Variants in MCM4 observed in about 807,000 individuals in gnomAD.
The protein encoded by MCM4 is DNA replication licensing factor MCM4.
Under a neutral mutation model 88.7 loss-of-function variants are expected in MCM4, and 60 were observed. That is an observed-to-expected ratio of 0.68 (90% CI 0.55 to 0.84). The LOEUF is 0.84. Among genes scored for constraint, MCM4 ranks in the 40% least tolerant of loss-of-function variants. The pLI, the probability that MCM4 is intolerant of heterozygous loss-of-function variation, is 0.00. For synonymous variants in MCM4, 465 were observed against 410.5 expected (o/e 1.13, Z -1.61); for missense variants, 1,149 against 1,105.5 (o/e 1.04, Z -0.56).
chr8:47,966,884 G>A (rs2090903382), intron 9 of MCM4, among the ~76,000 whole-genome samples: 1 of 152,248 alleles, frequency 6.6e-6, no homozygotes, highest in African/African-American at 2.4e-5. Flanking sequence ...GATTGTGACT[G>A]TAAAGATGTG....
chr8:47,974,726 T>A lies in MCM4; in HGVS notation c.2137-8T>A, dbSNP rs2090986577. Reference sequence around the variant, plus strand: ...TTGCTTTTGCTTTTGTTTTTCTACCTACAATAGGCTTATGTAGACATGAGG... The same window carrying A: ...TTGCTTTTGCTTTTGTTTTTCTACCAACAATAGGCTTATGTAGACATGAGG... On this transcript the variant is annotated splice_region_variant and splice_polypyrimidine_tract_variant and intron_variant, in intron 14 of 16. Transcript: ENST00000649973. 1.2e-6 allele frequency: 2 copies of A among 1,610,086 alleles called. No homozygotes were observed. The highest frequency in any genetic ancestry group is 1.7e-6 in the Non-Finnish European group (2 of 1,177,224).
chr8:47,969,197 A>G (rs924065523), intron 10 of MCM4: 1 of 154,310 alleles, frequency 6.5e-6, no homozygotes, highest in African/African-American at 2.4e-5. Flanking sequence ...CCTCGGGTCT[A>G]TCATTTGCAG....
At chr8:47,964,828 G>A (rs986094372) in intron 8 of MCM4, 116 bp downstream of exon 8, 4 of 816,574 alleles carry the variant, frequency 4.9e-6, no homozygotes, top group African/African-American at 1.7e-5. Context: ...TCAAGGTGAC[G>A]GATTATAAAT....
At position 47,969,872 on chromosome 8, in the gene MCM4, G is replaced by A. The variant is rs371571089; in HGVS notation, c.1249G>A (p.Asp417Asn). Residue 417 changes from aspartate (D) to asparagine (N), a missense_variant, in exon 11 of 17, where the codon GAT (aspartate) becomes AAT (asparagine). Transcript: ENST00000649973. ...NVKSVYKTHI[D>N]VIHYRKTDAK... ...GAAGTCTGTCTACAAAACCCACATT[G>A]ATGTCATTCATTATCGGAAAACGGA... The A allele has an allele frequency of 3.7e-6, 6 of 1,614,104 alleles. No homozygotes were observed. In the African/African-American group the frequency reaches 8.0e-5, roughly 22 times the overall value.
In MCM4 at chr8:47,975,747, G is replaced by T. The variant is rs745325458; in HGVS notation, c.2398G>T (p.Glu800Ter). Reference sequence around the variant, plus strand: ...TGCCACCTCTCGTAAACGGAAAGAAGAATTAGCTGAAGCATTGAAAAAGCT... The same window carrying T: ...TGCCACCTCTCGTAAACGGAAAGAATAATTAGCTGAAGCATTGAAAAAGCT... ...MSATSRKRKE[E>*]LAEALKKLIL... The change falls in exon 16 of 17, where the codon GAA becomes TAA. Residue 800 changes from glutamate (E) to a stop codon, truncating the protein, a stop_gained. Transcript: ENST00000649973. LOFTEE classifies it high-confidence loss of function. 1 of 1,578,844 alleles carries T rather than the reference G, an allele frequency of 6.3e-7. No homozygotes were observed. The highest frequency in any genetic ancestry group is 8.6e-7 in the Non-Finnish European group (1 of 1,168,488).
chr8:47,967,572 G>A, intron 10 of MCM4, 87 bp downstream of exon 10: 3 of 1,525,870 alleles, frequency 2.0e-6, no homozygotes, highest in Non-Finnish European at 2.7e-6. Context: ...CTTGGTCACA[G>A]GTCCAGTTCT....
At chr8:47,961,889 G>T in intron 3 of MCM4, 164 bp from the exon 4 acceptor site, 1 of 903,010 alleles carries the variant, frequency 1.1e-6, no homozygotes, top group Non-Finnish European at 1.7e-6. Flanking sequence ...CTTCTCTGGT[G>T]CTTTTTTTTA....
At position 47,975,816 on chromosome 8, in the gene MCM4, C is replaced by T; in HGVS notation, c.2467C>T (p.Leu823Phe). ...AACACCAGCTCTAAAATACCAGCAACTTTTTGAAGATATTCGGGGACAATC... is the reference window on the plus strand; with the variant it reads ...AACACCAGCTCTAAAATACCAGCAATTTTTTGAAGATATTCGGGGACAATC... Reference protein sequence around the residue: ...GKTPALKYQQLFEDIRGQSDI... With the variant: ...GKTPALKYQQFFEDIRGQSDI... The change falls in exon 16 of 17, where the codon CTT (leucine) becomes TTT (phenylalanine). Residue 823 changes from leucine (L) to phenylalanine (F), a missense_variant. By Grantham distance (22) the Leu-to-Phe change is conservative (BLOSUM62 0). This residue lies in a region of MCM4 where 238 missense variants were observed against 241.6 expected (regional missense o/e 0.99). Coordinates refer to ENST00000649973, the MANE Select transcript of MCM4 (RefSeq NM_182746.3). 1.3e-6 allele frequency: 2 copies of T among 1,582,828 alleles called. No homozygotes were observed. Among genetic ancestry groups the T allele is most frequent in the Non-Finnish European group, 1.7e-6 (2 of 1,168,672 alleles).
At position 47,975,297 on chromosome 8, in the gene MCM4, T is replaced by C. The variant is rs181428770; in HGVS notation, c.2365+335T>C. The C allele has an allele frequency of 6.0e-3, 1,281 of 212,686 alleles. 11 individuals carry two copies. Among genetic ancestry groups the C allele is most frequent in the Non-Finnish European group, 9.8e-3 (1,029 of 104,912 alleles). The allele number at this position is 212,686 out of a possible 1,614,324, so 13.2% of individuals were successfully genotyped here. On this transcript the variant is annotated intron_variant, in intron 15 of 16. Coordinates refer to ENST00000649973, the MANE Select transcript of MCM4 (RefSeq NM_182746.3). ...GTACCCAGTAACTCGTCATTTAACA[T>C]TACGTGTATCTCCAAATGCTATCCC...
At chr8:47,966,872 G>T (rs960273018) in intron 9 of MCM4, among the ~76,000 whole-genome samples, 1 of 152,198 alleles carries the variant, frequency 6.6e-6, no homozygotes, top group Non-Finnish European at 1.5e-5. Flanking sequence ...CTTATTTACC[G>T]TGATTGTGAC....
chr8:47,971,558 G>GAAA, intron 13 of MCM4, 90 bp downstream of exon 13: 2 of 1,336,564 alleles, frequency 1.5e-6, no homozygotes, highest in South Asian at 2.5e-5. Flanking sequence ...ACTGCTAATG[G>GAAA]AAACTCTTCA....
At position 47,976,944 on chromosome 8, in the gene MCM4, G is replaced by A; in HGVS notation, c.*166G>A. ...GTTCAATATTTGTAGTGAAGTATCT[G>A]TTTTCATTTTTTTCACGTTATAAAT... On this transcript the variant is annotated 3_prime_UTR_variant, in exon 17 of 17. Coordinates refer to ENST00000649973, the MANE Select transcript of MCM4 (RefSeq NM_182746.3). 1.9e-6 allele frequency: 1 copy of A among 519,428 alleles called. No homozygotes were observed. Among genetic ancestry groups the A allele is most frequent in the Non-Finnish European group, 3.5e-6 (1 of 287,404 alleles). The allele number at this position is 519,428 out of a possible 1,614,324, so 32.2% of individuals were successfully genotyped here.
chr8:47,971,178 G>T, intron 12 of MCM4, 163 bp from the exon 13 acceptor site: 1 of 783,446 alleles, frequency 1.3e-6, no homozygotes, highest in African/African-American at 1.7e-5. Flanking sequence ...TCTGAGGACA[G>T]GGCTTATCCA....
Position 47,961,185 on chromosome 8 carries a change from G to C in MCM4, c.41G>C (p.Arg14Pro). ...PASTPSRRGS[R>P]RGRATPAQTP... ...TCGACCCCGAGCCGCCGCGGCAGCCGGCGTGGAAGGGCCACCCCCGCCCAG... is the reference window on the plus strand; with the variant it reads ...TCGACCCCGAGCCGCCGCGGCAGCCCGCGTGGAAGGGCCACCCCCGCCCAG... The change falls in exon 2 of 17, where the codon CGG (arginine) becomes CCG (proline). Residue 14 changes from arginine (R) to proline (P), a missense_variant. By Grantham distance (103) the Arg-to-Pro change is moderately radical (BLOSUM62 -2). Transcript: ENST00000649973. 1 of 1,544,124 alleles carries C rather than the reference G, an allele frequency of 6.5e-7. No homozygotes were observed. The highest frequency in any genetic ancestry group is 8.7e-7 in the Non-Finnish European group (1 of 1,154,880).
At chr8:47,968,706 T>G (rs7002719) in intron 10 of MCM4, among the ~76,000 whole-genome samples, 4,380 of 152,314 alleles carry the variant, frequency 0.029, 219 homozygotes, top group African/African-American at 0.098. Flanking sequence ...AGAATTACAC[T>G]GACCCACTGA....
chr8:47,968,322 G>A (rs781206856), intron 10 of MCM4, among the ~76,000 whole-genome samples: 1 of 152,190 alleles, frequency 6.6e-6, no homozygotes, highest in Non-Finnish European at 1.5e-5. Context: ...GTGAAGTCCC[G>A]CAGTTATCAC....
chr8:47,969,855 T>A lies in MCM4; in HGVS notation c.1232T>A (p.Val411Asp). The change falls in exon 11 of 17, where the codon GTC (valine) becomes GAC (aspartate). Residue 411 changes from valine to aspartate, a missense_variant. Physicochemically the swap from Val to Asp is radical, Grantham distance 152 (BLOSUM62 -3). Transcript: ENST00000649973. Reference sequence around the variant, plus strand: ...CCAAGAGTGAGTAATGTGAAGTCTGTCTACAAAACCCACATTGATGTCATT... The same window carrying A: ...CCAAGAGTGAGTAATGTGAAGTCTGACTACAAAACCCACATTGATGTCATT... ...VNPRVSNVKS[V>D]YKTHIDVIHY... 1 of 1,614,240 alleles carries A rather than the reference T, an allele frequency of 6.2e-7. No individual in the cohort carries two copies. The highest frequency in any genetic ancestry group is 1.7e-5 in the Admixed American group (1 of 60,030).
In MCM4 at chr8:47,967,374, C is replaced by T; in HGVS notation, c.1063C>T (p.Gln355Ter). The change falls in exon 10 of 17, where the codon CAG becomes TAG. Residue 355 changes from glutamine to a stop codon, truncating the protein, a stop_gained. Transcript: ENST00000649973. LOFTEE classifies it high-confidence loss of function. ...GTTTGCTGACCTTCAGATCAAGCTT[C>T]AGGAGTCTCCGGAAGACATGCCTGC... ...LFSDKQMIKL[Q>*]ESPEDMPAGQ... 6.2e-7 allele frequency: 1 copy of T among 1,614,178 alleles called. No individual in the cohort carries two copies. Among genetic ancestry groups the T allele is most frequent in the Non-Finnish European group, 8.5e-7 (1 of 1,180,016 alleles).
Position 47,975,725 on chromosome 8 carries a change from C to A in MCM4, c.2376C>A (p.Ala792=). Residue 792 remains alanine, a synonymous_variant, in exon 16 of 17, where the codon GCC becomes GCA. Coordinates refer to ENST00000649973, the MANE Select transcript of MCM4 (RefSeq NM_182746.3). The part of the protein sequence containing the change: ...DISILTTGMS[A]TSRKRKEELA... ...TTCTTTTTAAATCAGGGATGAGTGCCACCTCTCGTAAACGGAAAGAAGAAT... is the reference window on the plus strand; with the variant it reads ...TTCTTTTTAAATCAGGGATGAGTGCAACCTCTCGTAAACGGAAAGAAGAAT... The A allele has an allele frequency of 6.4e-7, 1 of 1,563,818 alleles. No individual in the cohort carries two copies. Among genetic ancestry groups the A allele is most frequent in the South Asian group, 1.2e-5 (1 of 81,016 alleles).
Sources: gnomAD v4.1 joint callset for allele counts (sites outside exome capture counted in the v4.1 genomes callset) on GRCh38, gnomAD v4.1.1 for gene constraint, gnomAD v4.1.1 regional missense constraint, MANE v1.5 for transcripts, NCBI Gene and HGNC (gene_info 2026-07-23, HGNC 2026-07-21) for gene names.